The following BFSP1 variants were observed in gnomAD, a reference collection of about 807,000 sequenced individuals.
BFSP1 encodes the protein beaded filament structural protein 1.
A neutral mutation model predicts 43.9 loss-of-function variants in BFSP1; 38 were observed. That is an observed-to-expected ratio of 0.87 (90% CI 0.67 to 1.14). BFSP1 has a LOEUF of 1.14. Ranked by LOEUF, BFSP1 falls within the 50% of genes most tolerant of loss-of-function variation. BFSP1 has a pLI of 0.00. For synonymous variants in BFSP1, 352 were observed against 354.8 expected (o/e 0.99, Z 0.09); for missense variants, 850 against 875.1 (o/e 0.97, Z 0.36).
At chr20:17,516,705 C>A (rs772773672) in intron 2 of BFSP1, 1 of 249,494 alleles carries the variant, frequency 4.0e-6, no homozygotes, top group Admixed American at 5.0e-5. Context: ...TTTATCTACC[C>A]AAGAGAACTG....
At chr20:17,528,460 T>G (rs1270509308) in intron 1 of BFSP1, among the ~76,000 whole-genome samples, 1 of 152,218 alleles carries the variant, frequency 6.6e-6, no homozygotes, top group African/African-American at 2.4e-5. Flanking sequence ...TGATGGTCCA[T>G]CAAGCTGCCC....
At chr20:17,497,621 T>TAC (rs527353577) in intron 6 of BFSP1, among the ~76,000 whole-genome samples, 14 of 147,544 alleles carry the variant, frequency 9.5e-5, no homozygotes, top group African/African-American at 3.2e-4. Context: ...TATATACATA[T>TAC]ACACACACAT....
At chr20:17,531,419 AG>A, upstream of BFSP1, 8 of 1,252,594 alleles carry the variant, frequency 6.4e-6, no homozygotes, top group Middle Eastern at 6.4e-4. Context: ...TAAACACCGG[AG>A]GCCCCCGGCG....
chr20:17,529,719 G>T (rs929352073), intron 1 of BFSP1, among the ~76,000 whole-genome samples: 1 of 152,192 alleles, frequency 6.6e-6, no homozygotes. Flanking sequence ...AGATCCTGCT[G>T]CAGTGAGTAT....
intron 7 of BFSP1, 76 bp downstream of exon 7, chr20:17,496,862 G>T: frequency 1.6e-6 from 2 of 1,256,630 alleles, no homozygotes; most frequent in Non-Finnish European, 2.2e-6. Context: ...AAGCATGAAT[G>T]TTAAAGTCAG....
upstream of BFSP1, among the ~76,000 whole-genome samples, chr20:17,535,685 A>C (rs1292416004): frequency 6.6e-6 from 1 of 152,220 alleles, no homozygotes; most frequent in Admixed American, 6.5e-5. Flanking sequence ...TTAAGAGGTG[A>C]ATCTGGGTTG....
Position 17,499,816 on chromosome 20 carries a change from G to A in BFSP1, c.736-776C>T, listed in dbSNP as rs1254931358. ...ACACGCCATAATCCCAGATACTTGG[G>A]AGGCTGAGGCAGGAGAATCACTTGA... On this transcript the variant is annotated intron_variant, in intron 5 of 7. Transcript: ENST00000377873. 3.3e-5 allele frequency among the ~76,000 whole-genome samples: 5 copies of A among 152,246 alleles called. No homozygotes were observed. In the South Asian group the frequency reaches 6.2e-4, roughly 19 times the overall value.
chr20:17,561,469 A>G (rs534954790), upstream of BFSP1, among the ~76,000 whole-genome samples: 58 of 152,236 alleles, frequency 3.8e-4, no homozygotes, highest in Admixed American at 2.5e-3. Context: ...ACTGCACTCC[A>G]GCCCAGGCAA....
intron 6 of BFSP1, 24 bp from the exon 7 acceptor site, chr20:17,497,047 C>G (rs1367788980): frequency 6.7e-7 from 1 of 1,503,688 alleles, no homozygotes; most frequent in Non-Finnish European, 8.9e-7. Flanking sequence ...CCAGAAAGAA[C>G]AAGCCAAACA....
At chr20:17,530,320 G>A (rs1488763193) in intron 1 of BFSP1, among the ~76,000 whole-genome samples, 2 of 152,326 alleles carry the variant, frequency 1.3e-5, no homozygotes, top group East Asian at 3.9e-4. Flanking sequence ...CCAGCTGAGG[G>A]GCCTTGCTGG....
chr20:17,531,355 C>T lies in BFSP1; in HGVS notation c.-26G>A. ...GGCTGCTCTGGCGCGGGCGCGCGGG[C>T]GGCGCCGAGCCGGCTCTCCAGGAGG... On this transcript the variant is annotated 5_prime_UTR_variant, in exon 1 of 8. Coordinates refer to ENST00000377873, the MANE Select transcript of BFSP1 (RefSeq NM_001195.5). The T allele has an allele frequency of 7.4e-7, 1 of 1,352,134 alleles. No homozygotes were observed. The highest frequency in any genetic ancestry group is 9.4e-7 in the Non-Finnish European group (1 of 1,058,866). The allele number at this position is 1,352,134 out of a possible 1,614,324, so 83.8% of individuals were successfully genotyped here.
At position 17,539,105 on chromosome 20, in the gene BFSP1, C is replaced by CTTCTT. The variant is rs34002192; in HGVS notation, c.3-14198_3-14197insAAGAA. ...TGCATCCATGAATATATTTCTTCTT[C>CTTCTT]TTTTTTTTTTTTTTTTTTTTTTTTT... On this transcript the variant is annotated intron_variant, in intron 1 of 7. Coordinates refer to the BFSP1 transcript ENST00000377868. Among the ~76,000 whole-genome samples the CTTCTT allele has an allele frequency of 2.7e-3, 172 of 63,580 alleles. 14 individuals carry two copies. The highest frequency in any genetic ancestry group is 9.7e-3 in the East Asian group (19 of 1,952). The allele number at this position is 63,580 out of a possible 152,430, so 41.7% of individuals were successfully genotyped here. A position where few individuals can be genotyped will look rare whatever the true frequency, so the allele number is the denominator to read the frequency against.
intron 2 of BFSP1, among the ~76,000 whole-genome samples, chr20:17,521,378 C>T (rs1185336595): frequency 6.6e-6 from 1 of 152,168 alleles, no homozygotes; most frequent in African/African-American, 2.4e-5. Context: ...AAGGCAGGGG[C>T]CATCAGTCCT....
Position 17,524,912 on chromosome 20 carries a change from C to T in BFSP1, c.378-4G>A. On this transcript the variant is annotated splice_region_variant and splice_polypyrimidine_tract_variant and intron_variant, in intron 1 of 7. Transcript: ENST00000377873. ...ACATTCGCACTCATTTTCATACCTG[C>T]AAATTGGACACATAAGTGAGAGTTG... 3.1e-6 allele frequency: 5 copies of T among 1,612,982 alleles called. No individual in the cohort carries two copies. Among genetic ancestry groups the T allele is most frequent in the Non-Finnish European group, 4.2e-6 (5 of 1,178,946 alleles).
At chr20:17,521,521 T>A (rs989258674) in intron 2 of BFSP1, among the ~76,000 whole-genome samples, 1 of 152,184 alleles carries the variant, frequency 6.6e-6, no homozygotes, top group African/African-American at 2.4e-5. Flanking sequence ...AGCTAAAACC[T>A]CGTTGATCTG....
intron 1 of BFSP1, among the ~76,000 whole-genome samples, chr20:17,567,390 G>C (rs1170946144): frequency 6.6e-6 from 1 of 152,122 alleles, no homozygotes; most frequent in Non-Finnish European, 1.5e-5. Flanking sequence ...CTATCTGGTA[G>C]TAATGGAAAA....
At position 17,531,189 on chromosome 20, in the gene BFSP1, G is replaced by T; in HGVS notation, c.141C>A (p.Leu47=). 1 of 1,299,728 alleles carries T rather than the reference G, an allele frequency of 7.7e-7. No individual in the cohort carries two copies. The highest frequency in any genetic ancestry group is 3.3e-5 in the East Asian group (1 of 30,760). The allele number at this position is 1,299,728 out of a possible 1,614,324, so 80.5% of individuals were successfully genotyped here. Residue 47 remains leucine, a synonymous_variant, in exon 1 of 8, where the codon CTC becomes CTA. Transcript: ENST00000377873. ...GATSLAALQG[L]GERVAAHVQR... ...GGACGTGGGCGGCCACGCGCTCGCC[G>T]AGCCCCTGCAGCGCCGCCAGGCTCG...
At chr20:17,497,703 T>C (rs2033689542) in intron 6 of BFSP1, among the ~76,000 whole-genome samples, 1 of 151,184 alleles carries the variant, frequency 6.6e-6, no homozygotes. Context: ...CACACACACA[T>C]CATATATAAA....
In BFSP1 at chr20:17,494,421, C is replaced by T; in HGVS notation, c.1651G>A (p.Ala551Thr). 1 of 1,614,240 alleles carries T rather than the reference C, an allele frequency of 6.2e-7. No homozygotes were observed. Among genetic ancestry groups the T allele is most frequent in the Non-Finnish European group, 8.5e-7 (1 of 1,180,042 alleles). The change falls in exon 8 of 8, where the codon GCA becomes ACA. Residue 551 changes from alanine (A) to threonine (T), a missense_variant. Coordinates refer to ENST00000377873, the MANE Select transcript of BFSP1 (RefSeq NM_001195.5). Reference protein sequence around the residue: ...PIDKEIEPDGAELEGPEEKRE... With the variant: ...PIDKEIEPDGTELEGPEEKRE... ...TTCTCTTCAGGGCCTTCCAGCTCTG[C>T]ACCATCTGGCTCAATCTCCTTGTCT... is the stretch of plus-strand genomic sequence containing the variant.
Sources: gnomAD v4.1 joint callset for allele counts (sites outside exome capture counted in the v4.1 genomes callset) on GRCh38, gnomAD v4.1.1 for gene constraint, MANE v1.5 for transcripts, NCBI Gene and HGNC (gene_info 2026-07-23, HGNC 2026-07-21) for gene names.